The following TMEM132C variants were observed in gnomAD, a reference collection of about 807,000 sequenced individuals.
TMEM132C encodes the protein transmembrane protein 132C.
In TMEM132C, 29 loss-of-function variants were observed where a neutral mutation model predicts 61.4. That is an observed-to-expected ratio of 0.47 (90% confidence interval 0.35 to 0.64). The LOEUF (loss-of-function observed/expected upper bound fraction) is 0.64. TMEM132C is among the 30% of genes least tolerant of loss of function. The probability of loss-of-function intolerance (pLI) is 0.00; values close to 1 mark genes in which losing one functional copy is unlikely to be tolerated. For missense variants in TMEM132C, 1,408 were observed against 1,476.9 expected, an observed-to-expected ratio of 0.95 and a Z score of 0.76; for synonymous variants, 656 against 633.1, an observed-to-expected ratio of 1.04 and a Z score of -0.54.
intron 1 of TMEM132C, chr12:128,294,144 C>A (rs1417269478): frequency 1.3e-5 from 2 of 154,680 alleles, no homozygotes; most frequent in African/African-American, 4.8e-5. Context: ...GGATCTACTT[C>A]CAGTTCACTA....
intron 2 of TMEM132C, among the ~76,000 whole-genome samples, chr12:128,427,597 C>T (rs1869238752): frequency 6.6e-6 from 1 of 152,090 alleles, no homozygotes; most frequent in Non-Finnish European, 1.5e-5. Flanking sequence ...CCCTTCCCCA[C>T]TTTCCTCCAG....
chr12:128,622,577 C>T (rs900126940), intron 4 of TMEM132C, among the ~76,000 whole-genome samples: 11 of 151,202 alleles, frequency 7.3e-5, no homozygotes, highest in Admixed American at 3.3e-4. Flanking sequence ...AATTCAGAGA[C>T]CCGGACGTAC....
At chr12:128,385,458 A>G (rs11059673) in intron 1 of TMEM132C, among the ~76,000 whole-genome samples, 3,067 of 79,116 alleles carry the variant, frequency 0.039, 233 homozygotes, top group East Asian at 0.069. Context: ...CATAAACGTC[A>G]AGTCCTCGCA....
Position 128,414,915 on chromosome 12 carries a change from G to A in TMEM132C, c.269G>A (p.Arg90Lys), listed in dbSNP as rs1219351223. The change falls in exon 2 of 9, where the codon AGG becomes AAG. Residue 90 changes from arginine to lysine, a missense_variant. Coordinates refer to ENST00000435159, the MANE Select transcript of TMEM132C (RefSeq NM_001136103.3). Reference sequence around the variant, plus strand: ...GAGTCCTTCTTTACCTACAAAACCAGGCAGCCCCCAGTGCTCAATGCCAGC... The same window carrying A: ...GAGTCCTTCTTTACCTACAAAACCAAGCAGCCCCCAGTGCTCAATGCCAGC... ...RVESFFTYKT[R>K]QPPVLNASYG... The A allele has an allele frequency of 6.4e-7, 1 of 1,551,720 alleles. No homozygotes were observed. Among genetic ancestry groups the A allele is most frequent in the Admixed American group, 2.0e-5 (1 of 51,004 alleles).
In TMEM132C at chr12:128,271,301, AT is replaced by A. The variant is rs1870512807; in HGVS notation, c.85+3815del. On this transcript the variant is annotated intron_variant, in intron 1 of 8. Coordinates refer to ENST00000435159, the MANE Select transcript of TMEM132C (RefSeq NM_001136103.3). ...AATAATAATAATAATAATAATAATA[AT>A]AATAAAATGAAATGAAGAGAAATGG... Among the ~76,000 whole-genome samples, 3 of 141,434 alleles carry A rather than the reference AT, an allele frequency of 2.1e-5. No individual in the cohort carries two copies. The South Asian group carries it at 6.7e-4, about 32-fold the overall frequency. 92.8% of individuals were successfully genotyped at this position (141,434 alleles called of 152,430 possible).
chr12:128,643,873 T>A (rs1280854867), intron 4 of TMEM132C, among the ~76,000 whole-genome samples: 1 of 152,104 alleles, frequency 6.6e-6, no homozygotes, highest in African/African-American at 2.4e-5. Flanking sequence ...AAGTATGATG[T>A]TACAGTAATG....
intron 1 of TMEM132C, among the ~76,000 whole-genome samples, chr12:128,397,938 G>T (rs1875019625): frequency 6.6e-6 from 1 of 152,174 alleles, no homozygotes; most frequent in Admixed American, 6.5e-5. Flanking sequence ...GCAGCATGGG[G>T]TACAGACAAG....
intron 3 of TMEM132C, among the ~76,000 whole-genome samples, chr12:128,598,880 G>A (rs952738252): frequency 2.0e-5 from 3 of 151,780 alleles, no homozygotes; most frequent in Non-Finnish European, 4.4e-5. Context: ...GGGTTTGGGT[G>A]GGAGTGTGTT....
At chr12:128,470,818 A>G (rs1007150292) in intron 2 of TMEM132C, among the ~76,000 whole-genome samples, 1 of 151,998 alleles carries the variant, frequency 6.6e-6, no homozygotes, top group Non-Finnish European at 1.5e-5. Context: ...CAGCTACTCA[A>G]CTCTGTCTTA....
Position 128,575,356 on chromosome 12 carries a change from A to G in TMEM132C, c.1121+31253A>G, listed in dbSNP as rs139172387. ...TAGCTGGACATGATGATGTGCACCT[A>G]TAGTCCCAGCTACTGGGGAGACTGA... On this transcript the variant is annotated intron_variant, in intron 3 of 8. Coordinates refer to ENST00000435159, the MANE Select transcript of TMEM132C (RefSeq NM_001136103.3). Among the ~76,000 whole-genome samples, 340 of 152,276 alleles carry G rather than the reference A, an allele frequency of 2.2e-3. 2 individuals carry two copies. Among genetic ancestry groups the G allele is most frequent in the African/African-American group, 7.6e-3 (314 of 41,576 alleles).
chr12:128,682,646 T>C (rs1312522281), intron 5 of TMEM132C, among the ~76,000 whole-genome samples: 1 of 152,080 alleles, frequency 6.6e-6, no homozygotes, highest in East Asian at 1.9e-4. Flanking sequence ...AAGAAGAAAA[T>C]ATCAGACATA....
chr12:128,327,265 A>G (rs1262442001), intron 1 of TMEM132C, among the ~76,000 whole-genome samples: 1 of 150,244 alleles, frequency 6.7e-6, no homozygotes, highest in Non-Finnish European at 1.5e-5. Context: ...ATATTTGAAG[A>G]GACTTATTCT....
chr12:128,677,860 A>T (rs945012646), intron 5 of TMEM132C, among the ~76,000 whole-genome samples: 1 of 152,218 alleles, frequency 6.6e-6, no homozygotes. Flanking sequence ...AAAATAATGC[A>T]TTTGGGCAAC....
At chr12:128,512,482 A>G (rs1426146464) in intron 2 of TMEM132C, among the ~76,000 whole-genome samples, 1 of 152,130 alleles carries the variant, frequency 6.6e-6, no homozygotes, top group Non-Finnish European at 1.5e-5. Flanking sequence ...CACCGAGTAG[A>G]GCTTCCAGAA....
chr12:128,476,961 C>T (rs1871172999), intron 2 of TMEM132C, among the ~76,000 whole-genome samples: 1 of 152,204 alleles, frequency 6.6e-6, no homozygotes, highest in Non-Finnish European at 1.5e-5. Flanking sequence ...ACCTCACTTT[C>T]ACTTGGACTT....
chr12:128,419,718 A>G (rs1024436727), intron 2 of TMEM132C, among the ~76,000 whole-genome samples: 2 of 152,180 alleles, frequency 1.3e-5, no homozygotes, highest in African/African-American at 2.4e-5. Context: ...AACAAACAAA[A>G]CAGTGGTTTT....
chr12:128,636,092 C>T (rs1362288926), intron 4 of TMEM132C, among the ~76,000 whole-genome samples: 2 of 152,162 alleles, frequency 1.3e-5, no homozygotes, highest in Admixed American at 1.3e-4. Context: ...ACTCTGTTGC[C>T]CAGGCTGGAG....
intron 4 of TMEM132C, among the ~76,000 whole-genome samples, chr12:128,629,447 G>A (rs1442349480): frequency 6.6e-6 from 1 of 152,166 alleles, no homozygotes; most frequent in African/African-American, 2.4e-5. Context: ...CTCCTGCCTA[G>A]GCGATGGGAG....
intron 2 of TMEM132C, among the ~76,000 whole-genome samples, chr12:128,447,652 C>T (rs1024137187): frequency 9.6e-5 from 14 of 145,122 alleles, no homozygotes; most frequent in Non-Finnish European, 1.8e-4. Flanking sequence ...CCTTCATAAG[C>T]GAGTAAGAGT....
Sources: gnomAD v4.1 joint callset for allele counts (sites outside exome capture counted in the v4.1 genomes callset) on GRCh38, gnomAD v4.1.1 for gene constraint, MANE v1.5 for transcripts, NCBI Gene and HGNC (gene_info 2026-07-23, HGNC 2026-07-21) for gene names.